Variants in CA5B observed in about 807,000 individuals in gnomAD.
CA5B encodes carbonic anhydrase 5B.
Under a neutral mutation model 23.1 loss-of-function variants are expected in CA5B, and 15 were observed. That is an observed-to-expected ratio of 0.65 (90% CI 0.43 to 1.00). The LOEUF is 1.00. Ranked by LOEUF, CA5B falls within the 50% of genes least tolerant of loss-of-function variation. CA5B has a pLI of 0.00. For missense variants in CA5B, 236 were observed against 252.2 expected, an observed-to-expected ratio of 0.94 and a Z score of 0.43; for synonymous variants, 84 against 98.5, an observed-to-expected ratio of 0.85 and a Z score of 0.87.
chrX:15,757,853 T>G (rs1931526016), intron 2 of CA5B, among the ~76,000 whole-genome samples: 1 of 111,126 alleles, frequency 9.0e-6, no homozygotes, highest in Admixed American at 9.6e-5. Flanking sequence ...TGAGATTAGA[T>G]AAGTGAGATG....
intron 3 of CA5B, among the ~76,000 whole-genome samples, chrX:15,765,872 T>G (rs1450436092): frequency 9.0e-6 from 1 of 110,653 alleles, no homozygotes; most frequent in African/African-American, 3.3e-5. Flanking sequence ...AAAATGATAA[T>G]GAGGCCAGGA....
At chrX:15,773,802 C>G (rs1931868807) in intron 4 of CA5B, among the ~76,000 whole-genome samples, 1 of 111,547 alleles carries the variant, frequency 9.0e-6, no homozygotes, top group African/African-American at 3.3e-5. Flanking sequence ...GATTCTCCCA[C>G]CTTGACCTCC....
chrX:15,755,922 A>G (rs1296469920), intron 2 of CA5B, among the ~76,000 whole-genome samples: 2 of 112,793 alleles, frequency 1.8e-5, no homozygotes, highest in African/African-American at 6.4e-5. Flanking sequence ...TGAAATGAAT[A>G]TAAGAATTAT....
intron 2 of CA5B, among the ~76,000 whole-genome samples, chrX:15,754,609 G>A (rs896841851): frequency 8.9e-6 from 1 of 112,546 alleles, no homozygotes; most frequent in African/African-American, 3.2e-5. Context: ...ATTATCCAAT[G>A]TGGAAATAAA....
intron 2 of CA5B, among the ~76,000 whole-genome samples, chrX:15,754,260 T>G (rs1275331118): frequency 8.9e-6 from 1 of 112,603 alleles, no homozygotes; most frequent in East Asian, 2.8e-4. Context: ...AGTCCTTAGC[T>G]AGTGATGTCA....
At chrX:15,777,426 G>C (rs1373154974) in intron 7 of CA5B, among the ~76,000 whole-genome samples, 2 of 111,348 alleles carry the variant, frequency 1.8e-5, no homozygotes, top group Non-Finnish European at 3.8e-5. Flanking sequence ...ACTCATACTT[G>C]TTTTATGGGA....
intron 2 of CA5B, among the ~76,000 whole-genome samples, chrX:15,754,047 A>C: frequency 8.9e-6 from 1 of 112,269 alleles, no homozygotes; most frequent in South Asian, 3.7e-4. Context: ...TGTCAGTCTT[A>C]TGATCTCTAT....
chrX:15,785,901 C>T lies in CA5B; in HGVS notation c.*3237C>T, dbSNP rs751692722. 1 of 109,745 alleles carries T rather than the reference C, an allele frequency of 9.1e-6. No individual in the cohort carries two copies. The highest frequency in any genetic ancestry group is 2.8e-4 in the East Asian group (1 of 3,524). 9.0% of individuals were successfully genotyped at this position (109,745 alleles called of 1,213,427 possible). A position where few individuals can be genotyped will look rare whatever the true frequency, so the allele number is the denominator to read the frequency against. ...TTTTTTTATTTTTTTGAGACAGAGT[C>T]GCGCTGTCACCCGGGCTGGAGTGCA... On this transcript the variant is annotated 3_prime_UTR_variant, in exon 8 of 8. Transcript: ENST00000318636.
chrX:15,771,092 G>A (rs781227265), intron 3 of CA5B, among the ~76,000 whole-genome samples: 2 of 103,680 alleles, frequency 1.9e-5, no homozygotes, highest in African/African-American at 7.0e-5. Context: ...TGGGCCAGCC[G>A]CAGTGGCTCA....
chrX:15,772,614 G>C lies in CA5B; in HGVS notation c.459G>C (p.Glu153Asp). The change falls in exon 4 of 8, where the codon GAG (glutamate) becomes GAC (aspartate). Residue 153 changes from glutamate to aspartate, a missense_variant and splice_region_variant. By Grantham distance (45) the Glu-to-Asp change is conservative (BLOSUM62 2). Coordinates refer to ENST00000318636, the MANE Select transcript of CA5B (RefSeq NM_007220.4). Reference sequence around the variant, plus strand: ...TGGACAGCAAATGCTTCCCAGCAGAGGTATGTTGAGAAGGTCAGGAACAGT... The same window carrying C: ...TGGACAGCAAATGCTTCCCAGCAGACGTATGTTGAGAAGGTCAGGAACAGT... ...HTVDSKCFPA[E>D]LHLVHWNAVR... is the part of the protein sequence containing the mutation. The C allele has an allele frequency of 8.9e-7, 1 of 1,126,894 alleles. No individual in the cohort carries two copies. The highest frequency in any genetic ancestry group is 1.2e-6 in the Non-Finnish European group (1 of 821,965). 92.9% of individuals were successfully genotyped at this position (1,126,894 alleles called of 1,213,427 possible). A position where few individuals can be genotyped will look rare whatever the true frequency, so the allele number is the denominator to read the frequency against.
rs1332411801 is a variant in CA5B at position 15,769,469 on chromosome X, T to C, written c.341-3027T>C. The stretch of plus-strand genomic sequence containing the variant: ...TGTCAATTATCATCTCCTCTGGAAT[T>C]CCTCTTATTGGCACTGTCAACAGGC... On this transcript the variant is annotated intron_variant, in intron 3 of 7. Transcript: ENST00000318636. 4.0e-6 allele frequency: 3 copies of C among 753,202 alleles called. No homozygotes were observed. In the South Asian group the frequency reaches 2.0e-4, roughly 51 times the overall value. The allele number at this position is 753,202 out of a possible 1,213,427, so 62.1% of individuals were successfully genotyped here. A position where few individuals can be genotyped will look rare whatever the true frequency, so the allele number is the denominator to read the frequency against.
intron 6 of CA5B, chrX:15,776,095 T>C (rs1931918679): frequency 4.8e-6 from 3 of 623,852 alleles, no homozygotes; most frequent in Non-Finnish European, 5.8e-6. Flanking sequence ...TCACAGCACT[T>C]TGGGAGGCCG....
intron 1 of CA5B, among the ~76,000 whole-genome samples, chrX:15,748,719 C>T (rs867872989): frequency 1.3e-4 from 9 of 69,972 alleles, no homozygotes; most frequent in Non-Finnish European, 2.1e-4. Flanking sequence ...CCCCCCCCCC[C>T]GCCCCCGCCA....
rs1294112552 is a variant in CA5B at position 15,783,749 on chromosome X, C to G, written c.*1085C>G. ...GTGGTTGTAGTGAACCAAGATCACA[C>G]CACTGCACTCCAGCCTGGGCAACAG... On this transcript the variant is annotated 3_prime_UTR_variant, in exon 8 of 8. Transcript: ENST00000318636. 2.9e-5 allele frequency: 3 copies of G among 104,532 alleles called. No homozygotes were observed. The allele number at this position is 104,532 out of a possible 1,213,427, so 8.6% of individuals were successfully genotyped here. A position where few individuals can be genotyped will look rare whatever the true frequency, so the allele number is the denominator to read the frequency against.
rs190443910 is a variant in CA5B at position 15,761,641 on chromosome X, C to T, written c.143-2937C>T. Among the ~76,000 whole-genome samples the T allele has an allele frequency of 3.6e-5, 4 of 111,891 alleles. No homozygotes were observed. The Admixed American group carries it at 3.8e-4, about 11-fold the overall frequency. On this transcript the variant is annotated intron_variant, in intron 2 of 7. Coordinates refer to ENST00000318636, the MANE Select transcript of CA5B (RefSeq NM_007220.4). ...GAAAGAAAAGAGTATTATGAGTTTGCATGCACCTTTTATCTTTAGACCAGG... is the reference window on the plus strand; with the variant it reads ...GAAAGAAAAGAGTATTATGAGTTTGTATGCACCTTTTATCTTTAGACCAGG...
chrX:15,744,693 C>T (rs1391478187), intron 1 of CA5B, among the ~76,000 whole-genome samples: 1 of 111,091 alleles, frequency 9.0e-6, no homozygotes, highest in African/African-American at 3.3e-5. Context: ...CATCCCCTGC[C>T]ACCTCCTCAT....
chrX:15,782,056 T>C (rs1932033719), intron 7 of CA5B, among the ~76,000 whole-genome samples: 1 of 113,005 alleles, frequency 8.8e-6, no homozygotes, highest in African/African-American at 3.2e-5. Context: ...TAAATTGTTT[T>C]ATAAACCCAC....
At chrX:15,773,503 G>A (rs758066160) in intron 4 of CA5B, among the ~76,000 whole-genome samples, 2 of 104,094 alleles carry the variant, frequency 1.9e-5, no homozygotes, top group Non-Finnish European at 2.0e-5. Flanking sequence ...TCTGCCTCCC[G>A]GGTTCACACC....
At chrX:15,761,524 A>T (rs978059077) in intron 2 of CA5B, among the ~76,000 whole-genome samples, 2 of 112,682 alleles carry the variant, frequency 1.8e-5, no homozygotes, top group African/African-American at 6.5e-5. Flanking sequence ...CTTGTTCTTC[A>T]CAAGTTGTTT....
Sources: gnomAD v4.1 joint callset for allele counts (sites outside exome capture counted in the v4.1 genomes callset) on GRCh38, gnomAD v4.1.1 for gene constraint, MANE v1.5 for transcripts, NCBI Gene and HGNC (gene_info 2026-07-23, HGNC 2026-07-21) for gene names.